Variants in SNX29 observed in about 807,000 individuals in gnomAD.
The protein encoded by SNX29 is sorting nexin 29.
In SNX29, 78 loss-of-function variants were observed where a neutral mutation model predicts 102.1. The ratio of observed to expected loss-of-function variants is 0.76; its 90% CI spans 0.64 to 0.92. The LOEUF (loss-of-function observed/expected upper bound fraction) is 0.92, where lower values mean the gene tolerates loss of function less well. Ranked by LOEUF, SNX29 falls within the 40% of genes least tolerant of loss-of-function variation. The pLI, the probability that SNX29 is intolerant of heterozygous loss-of-function variation, is 0.00. For missense variants in SNX29, 1,280 were observed against 1,061.7 expected (o/e 1.21, Z -2.86); for synonymous variants, 580 against 414.5 (o/e 1.40, Z -4.85).
intron 3 of SNX29, 23 bp downstream of exon 3, chr16:12,003,066 C>A (rs141130515): frequency 6.2e-7 from 1 of 1,613,686 alleles, no homozygotes; most frequent in Non-Finnish European, 8.5e-7. Context: ...CTTCTAAAAC[C>A]GTTGACCATC....
intron 1 of SNX29, among the ~76,000 whole-genome samples, chr16:11,995,767 G>C (rs2056046774): frequency 6.6e-6 from 1 of 151,934 alleles, no homozygotes; most frequent in Non-Finnish European, 1.5e-5. Context: ...AAGCTTACGA[G>C]AAACACAGAG....
chr16:12,560,424 A>C (rs896342841), intron 20 of SNX29, among the ~76,000 whole-genome samples: 1 of 152,196 alleles, frequency 6.6e-6, no homozygotes, highest in African/African-American at 2.4e-5. Flanking sequence ...TCTGTCCTGT[A>C]GGCATCCATG....
chr16:12,550,429 G>A (rs2077898138), intron 20 of SNX29, among the ~76,000 whole-genome samples: 1 of 151,914 alleles, frequency 6.6e-6, no homozygotes, highest in Non-Finnish European at 1.5e-5. Flanking sequence ...CACCTACTTG[G>A]GAGGCTGAGG....
intron 18 of SNX29, among the ~76,000 whole-genome samples, chr16:12,433,975 G>T (rs1168535879): frequency 1.3e-5 from 2 of 152,164 alleles, no homozygotes; most frequent in African/African-American, 4.8e-5. Context: ...CAGAGTATCT[G>T]TCCCCTGCCC....
intron 1 of SNX29, among the ~76,000 whole-genome samples, chr16:11,998,057 T>G (rs994184022): frequency 5.9e-5 from 9 of 152,148 alleles, no homozygotes; most frequent in African/African-American, 2.2e-4. Context: ...CGGTGGTGGT[T>G]GTTATCAACC....
Position 12,449,038 on chromosome 16 carries a change from C to G in SNX29, c.2038-28681C>G, listed in dbSNP as rs31712. The stretch of plus-strand genomic sequence containing the variant: ...GTTTAGTTTCAACGTACATGTACTA[C>G]GCAACCTAATTTCTGCTGGATATGG... On this transcript the variant is annotated intron_variant, in intron 18 of 20. Transcript: ENST00000566228. Among the ~76,000 whole-genome samples, 677 of 152,006 alleles carry G rather than the reference C, an allele frequency of 4.5e-3. 4 individuals are homozygous for G. The highest frequency in any genetic ancestry group is 7.1e-3 in the Non-Finnish European group (484 of 67,984).
intron 19 of SNX29, among the ~76,000 whole-genome samples, chr16:12,496,400 C>A (rs1015879362): frequency 6.6e-6 from 1 of 151,890 alleles, no homozygotes; most frequent in African/African-American, 2.4e-5. Context: ...CACGCTTCCT[C>A]GTTGCAACCA....
Position 12,110,568 on chromosome 16 carries a change from G to C in SNX29, c.1403-16065G>C, listed in dbSNP as rs142313068. Among the ~76,000 whole-genome samples, 15 of 152,262 alleles carry C rather than the reference G, an allele frequency of 9.9e-5. No individual in the cohort carries two copies. The East Asian group carries it at 2.9e-3, about 29-fold the overall frequency. On this transcript the variant is annotated intron_variant, in intron 11 of 20. Transcript: ENST00000566228. ...GAAGAGCAGGTGTGGTGGCTGGGCT[G>C]CTTGACTCCCTTTGGTTTCTGAAGG...
intron 14 of SNX29, among the ~76,000 whole-genome samples, chr16:12,273,963 G>A (rs893827620): frequency 2.0e-5 from 3 of 152,270 alleles, no homozygotes; most frequent in African/African-American, 4.8e-5. Flanking sequence ...TGGCTAGACC[G>A]CATCTTGTTC....
intron 16 of SNX29, among the ~76,000 whole-genome samples, chr16:12,393,973 A>T (rs2083628856): frequency 6.6e-6 from 1 of 152,208 alleles, no homozygotes; most frequent in Non-Finnish European, 1.5e-5. Context: ...AGAACTCAAA[A>T]CATGTGCATT....
chr16:12,318,151 T>C (rs1011795037), intron 15 of SNX29, among the ~76,000 whole-genome samples: 5 of 152,228 alleles, frequency 3.3e-5, no homozygotes, highest in African/African-American at 9.6e-5. Flanking sequence ...AGTGAGCTTC[T>C]TCCAGAGAGG....
intron 18 of SNX29, among the ~76,000 whole-genome samples, chr16:12,417,141 C>T (rs536445427): frequency 3.3e-4 from 50 of 152,280 alleles, no homozygotes; most frequent in African/African-American, 1.2e-3. Flanking sequence ...CAATCAGGGG[C>T]GGTTTGCATT....
At chr16:12,455,249 G>C (rs759895480) in intron 18 of SNX29, among the ~76,000 whole-genome samples, 3 of 152,166 alleles carry the variant, frequency 2.0e-5, no homozygotes, top group Admixed American at 6.5e-5. Context: ...GCAAGTTAGA[G>C]CTTGGTCTAC....
rs1392921346 is a variant in SNX29, at chr16:12,381,241, C to G, written c.1900-17205C>G. Among the ~76,000 whole-genome samples the G allele has an allele frequency of 4.8e-5, 3 of 62,006 alleles. No homozygotes were observed. In the South Asian group the frequency reaches 2.0e-3, roughly 42 times the overall value. The allele number at this position is 62,006 out of a possible 152,430, so 40.7% of individuals were successfully genotyped here. On this transcript the variant is annotated intron_variant, in intron 16 of 20. Coordinates refer to ENST00000566228, the MANE Select transcript of SNX29 (RefSeq NM_032167.5). ...ACCCACCCACCCCTCATCCATCTACCTATCCACCTACCACCCACCATCCAT... is the reference window on the plus strand; with the variant it reads ...ACCCACCCACCCCTCATCCATCTACGTATCCACCTACCACCCACCATCCAT...
At chr16:12,549,933 TGTTTTTTATAAGTAAA>T (rs2077861836) in intron 20 of SNX29, among the ~76,000 whole-genome samples, 1 of 152,178 alleles carries the variant, frequency 6.6e-6, no homozygotes, top group Admixed American at 6.5e-5. Flanking sequence ...ACCCTCCACC[TGTTTTTTATAAGTAAA>T]GTTTTATTGG....
intron 15 of SNX29, among the ~76,000 whole-genome samples, chr16:12,319,194 A>G (rs1379263555): frequency 1.3e-5 from 2 of 152,186 alleles, no homozygotes; most frequent in Non-Finnish European, 2.9e-5. Context: ...TATTTAACTT[A>G]ACCACTCAGT....
At chr16:12,393,705 C>T (rs1962821110) in intron 16 of SNX29, among the ~76,000 whole-genome samples, 1 of 152,196 alleles carries the variant, frequency 6.6e-6, no homozygotes, top group African/African-American at 2.4e-5. Flanking sequence ...GCTAACCTTA[C>T]AGAGAGGCTG....
chr16:12,245,192 C>T (rs377079739), intron 14 of SNX29, among the ~76,000 whole-genome samples: 1 of 152,096 alleles, frequency 6.6e-6, no homozygotes, highest in African/African-American at 2.4e-5. Context: ...ATTGGTCGTT[C>T]TTACAGCGGA....
intron 19 of SNX29, among the ~76,000 whole-genome samples, chr16:12,497,325 C>G (rs938097940): frequency 6.6e-6 from 1 of 152,162 alleles, no homozygotes; most frequent in Admixed American, 6.5e-5. Context: ...AGTCTCGTGG[C>G]CTTGGAGACG....
Sources: allele counts gnomAD v4.1 joint callset (sites outside exome capture counted in the v4.1 genomes callset), GRCh38; gene constraint gnomAD v4.1.1; transcripts MANE v1.5; gene names NCBI Gene and HGNC (gene_info 2026-07-23, HGNC 2026-07-21).